Variants in CBX5 observed in about 807,000 individuals in gnomAD.
The protein encoded by CBX5 is chromobox 5.
Under a neutral mutation model 20.7 loss-of-function variants are expected in CBX5, and 7 were observed. The ratio of observed to expected loss-of-function variants is 0.34; its 90% CI spans 0.19 to 0.63. The LOEUF (loss-of-function observed/expected upper bound fraction) is 0.63, where lower values mean the gene tolerates loss of function less well. CBX5 is among the 30% of genes least tolerant of loss of function. CBX5 has a pLI of 0.75. For missense variants in CBX5, 110 were observed against 224.1 expected (o/e 0.49, Z 3.25); for synonymous variants, 78 against 77.0 (o/e 1.01, Z -0.07).
At chr12:54,254,396 C>G (rs1943843689) in intron 2 of CBX5, among the ~76,000 whole-genome samples, 1 of 148,700 alleles carries the variant, frequency 6.7e-6, no homozygotes, top group South Asian at 2.1e-4. Context: ...GCCATAATAA[C>G]CTGACTCAAG....
At chr12:54,269,470 C>G (rs1198255330) in intron 1 of CBX5, among the ~76,000 whole-genome samples, 3 of 151,812 alleles carry the variant, frequency 2.0e-5, no homozygotes, top group African/African-American at 7.3e-5. Context: ...CTCACTGCAC[C>G]CTCCGCCTCT....
In CBX5 at chr12:54,235,185, C is replaced by T. The variant is rs1275734866; in HGVS notation, c.*6570G>A. 1.3e-5 allele frequency: 2 copies of T among 152,188 alleles called. No individual in the cohort carries two copies. Among genetic ancestry groups the T allele is most frequent in the Admixed American group, 6.5e-5 (1 of 15,280 alleles). 9.4% of individuals were successfully genotyped at this position (152,188 alleles called of 1,614,324 possible). On this transcript the variant is annotated 3_prime_UTR_variant, in exon 5 of 5. Transcript: ENST00000209875. ...CTTGTGGTCATCCATGGGTCAGAAT[C>T]GACAACATCCTTACGATCAGACTGT...
Position 54,272,479 on chromosome 12 carries a change from A to T in CBX5, c.-43+7529T>A, listed in dbSNP as rs185491843. The stretch of plus-strand genomic sequence containing the variant: ...AATCTGTCAGTGTTTAATTTTGATG[A>T]ACTACTACTACTGGAAAGAAAATTC... On this transcript the variant is annotated intron_variant, in intron 1 of 4. Coordinates refer to ENST00000209875, the MANE Select transcript of CBX5 (RefSeq NM_012117.3). The T allele has an allele frequency of 3.3e-5, 5 of 152,294 alleles. No individual in the cohort carries two copies. In the East Asian group the frequency reaches 5.8e-4, roughly 18 times the overall value. 9.4% of individuals were successfully genotyped at this position (152,294 alleles called of 1,614,324 possible). A position where few individuals can be genotyped will look rare whatever the true frequency, so the allele number is the denominator to read the frequency against.
intron 1 of CBX5, chr12:54,272,522 GTC>G (rs1320550612): frequency 6.6e-6 from 1 of 152,174 alleles, no homozygotes; most frequent in African/African-American, 2.4e-5. Context: ...ACAGTCTATA[GTC>G]TCACTAAAAA....
intron 3 of CBX5, among the ~76,000 whole-genome samples, chr12:54,250,864 G>GCT (rs1286855182): frequency 1.3e-5 from 2 of 149,724 alleles, no homozygotes; most frequent in African/African-American, 4.9e-5. Context: ...GGGCGCGGTG[G>GCT]CTCACGCCTG....
At chr12:54,243,931 C>G (rs1288951335) in intron 4 of CBX5, among the ~76,000 whole-genome samples, 2 of 152,112 alleles carry the variant, frequency 1.3e-5, no homozygotes, top group South Asian at 4.1e-4. Context: ...TATGGCAATT[C>G]TTCAAATACA....
At chr12:54,264,987 A>T (rs754792094) in intron 1 of CBX5, among the ~76,000 whole-genome samples, 18 of 152,242 alleles carry the variant, frequency 1.2e-4, no homozygotes, top group Non-Finnish European at 1.8e-4. Context: ...AAATTCTATA[A>T]GCCCCCTAAC....
At chr12:54,268,874 C>T (rs1225673279) in intron 1 of CBX5, among the ~76,000 whole-genome samples, 1 of 152,126 alleles carries the variant, frequency 6.6e-6, no homozygotes, top group Non-Finnish European at 1.5e-5. Context: ...TAGTTATTAG[C>T]CCTACTTAAA....
rs1275979264 is a variant in CBX5 at position 54,232,027 on chromosome 12, G to T, written c.*9728C>A. 3.9e-5 allele frequency: 6 copies of T among 152,156 alleles called. No individual in the cohort carries two copies. The highest frequency in any genetic ancestry group is 8.8e-5 in the Non-Finnish European group (6 of 68,038). The allele number at this position is 152,156 out of a possible 1,614,324, so 9.4% of individuals were successfully genotyped here. On this transcript the variant is annotated 3_prime_UTR_variant, in exon 5 of 5. Coordinates refer to ENST00000209875, the MANE Select transcript of CBX5 (RefSeq NM_012117.3). ...TTGCTTTGATCCTGAGACAGTCTGA[G>T]TCTGCTTCAAACCCATGGGGAAAGG...
In CBX5 at chr12:54,272,096, C is replaced by A; in HGVS notation, c.-43+7912G>T. The A allele has an allele frequency of 1.3e-5, 2 of 152,218 alleles. 1 individual carries two copies. The allele number at this position is 152,218 out of a possible 1,614,324, so 9.4% of individuals were successfully genotyped here. Reference sequence around the variant, plus strand: ...AAAAACAAAACTTAAGATTTCCCAGCCTGTTAGTTGACCTCTTTAGTACAG... The same window carrying A: ...AAAAACAAAACTTAAGATTTCCCAGACTGTTAGTTGACCTCTTTAGTACAG... On this transcript the variant is annotated intron_variant, in intron 1 of 4. Coordinates refer to ENST00000209875, the MANE Select transcript of CBX5 (RefSeq NM_012117.3).
chr12:54,265,913 G>A (rs942517264), intron 1 of CBX5, among the ~76,000 whole-genome samples: 4 of 151,922 alleles, frequency 2.6e-5, no homozygotes, highest in African/African-American at 4.8e-5. Flanking sequence ...CAGGTAAGGC[G>A]GTGCACGTCT....
Position 54,241,508 on chromosome 12 carries a change from G to GA in CBX5, c.*246dup, listed in dbSNP as rs200437127. 617 of 405,674 alleles carry GA rather than the reference G, an allele frequency of 1.5e-3. No individual in the cohort carries two copies. Among genetic ancestry groups the GA allele is most frequent in the Admixed American group, 3.3e-3 (77 of 23,022 alleles). 25.1% of individuals were successfully genotyped at this position (405,674 alleles called of 1,614,324 possible). A position where few individuals can be genotyped will look rare whatever the true frequency, so the allele number is the denominator to read the frequency against. ...GCAGAAGGAAGAGATCAGGGCAAAG[G>GA]AAAAAAAAATTGTGGGTATTACACT... is the stretch of plus-strand genomic sequence containing the variant. On this transcript the variant is annotated 3_prime_UTR_variant, in exon 5 of 5. Transcript: ENST00000209875.
At chr12:54,276,244 C>T (rs1337733454) in intron 1 of CBX5, among the ~76,000 whole-genome samples, 4 of 152,116 alleles carry the variant, frequency 2.6e-5, no homozygotes, top group Non-Finnish European at 5.9e-5. Flanking sequence ...TCCTGATAAA[C>T]CCATCATAGG....
chr12:54,261,979 G>A (rs1943918768), intron 1 of CBX5, among the ~76,000 whole-genome samples: 1 of 152,172 alleles, frequency 6.6e-6, no homozygotes, highest in Non-Finnish European at 1.5e-5. Context: ...AAATTCCTAA[G>A]CTAGTAAACC....
At chr12:54,256,308 CAG>C (rs2137020777) in intron 2 of CBX5, among the ~76,000 whole-genome samples, 1 of 152,174 alleles carries the variant, frequency 6.6e-6, no homozygotes, top group East Asian at 1.9e-4. Context: ...TCTCTACAAA[CAG>C]AGGGCATCTT....
rs118102222 is a variant in CBX5 at position 54,248,138 on chromosome 12, C to T, written c.325-1923G>A. On this transcript the variant is annotated intron_variant, in intron 3 of 4. Transcript: ENST00000209875. ...GATTACAGATGTGAGCCATCACACC[C>T]GGCTACGCCTGGCTAATTTTTTGTA... Among the ~76,000 whole-genome samples, 1,314 of 152,162 alleles carry T rather than the reference C, an allele frequency of 8.6e-3. 59 individuals are homozygous for T. Among genetic ancestry groups the T allele is most frequent in the Admixed American group, 0.071 (1,085 of 15,254 alleles).
At chr12:54,248,241 A>C (rs1943757626) in intron 3 of CBX5, among the ~76,000 whole-genome samples, 1 of 152,090 alleles carries the variant, frequency 6.6e-6, no homozygotes, top group Non-Finnish European at 1.5e-5. Context: ...CACACGCCTC[A>C]GCCTCCCAAA....
intron 1 of CBX5, among the ~76,000 whole-genome samples, chr12:54,271,568 C>T (rs1176782170): frequency 1.3e-5 from 2 of 152,238 alleles, no homozygotes; most frequent in Non-Finnish European, 2.9e-5. Flanking sequence ...AGGTAATCCA[C>T]CCACCTCAGC....
At chr12:54,271,878 TGTAA>T (rs1944013929) in intron 1 of CBX5, 1 of 152,254 alleles carries the variant, frequency 6.6e-6, no homozygotes, top group East Asian at 1.9e-4. Context: ...CTTTATTATC[TGTAA>T]GTCTTATCCA....
Sources: allele counts gnomAD v4.1 joint callset (sites outside exome capture counted in the v4.1 genomes callset), GRCh38; gene constraint gnomAD v4.1.1; transcripts MANE v1.5; gene names NCBI Gene and HGNC (gene_info 2026-07-23, HGNC 2026-07-21).